Variants in ERC1 observed in about 807,000 individuals in gnomAD.
The protein encoded by ERC1 is ELKS/RAB6-interacting/CAST family member 1.
In ERC1, 56 loss-of-function variants were observed where a neutral mutation model predicts 132.0. The ratio of observed to expected loss-of-function variants is 0.42; its 90% CI spans 0.34 to 0.53. The LOEUF (loss-of-function observed/expected upper bound fraction) is 0.53, where lower values mean the gene tolerates loss of function less well. Among genes scored for constraint, ERC1 ranks in the 20% least tolerant of loss-of-function variants. The probability of loss-of-function intolerance (pLI) is 0.03; values close to 1 mark genes in which losing one functional copy is unlikely to be tolerated. For synonymous variants in ERC1, 478 were observed against 476.1 expected, an observed-to-expected ratio of 1.00 and a Z score of -0.05; for missense variants, 1,202 against 1,349.9, an observed-to-expected ratio of 0.89 and a Z score of 1.72.
intron 8 of ERC1, among the ~76,000 whole-genome samples, chr12:1,176,160 G>T (rs1460425077): frequency 6.6e-6 from 1 of 152,188 alleles, no homozygotes. Flanking sequence ...TTCTTAACTA[G>T]TAAGACTAGA....
At chr12:1,439,608 C>T (rs1306004614) in intron 17 of ERC1, among the ~76,000 whole-genome samples, 4 of 152,074 alleles carry the variant, frequency 2.6e-5, no homozygotes, top group African/African-American at 9.7e-5. Flanking sequence ...AATATCATGA[C>T]GAGTTCATTT....
intron 12 of ERC1, among the ~76,000 whole-genome samples, chr12:1,214,321 GT>G (rs1241921700): frequency 6.6e-6 from 1 of 152,134 alleles, no homozygotes; most frequent in Non-Finnish European, 1.5e-5. Flanking sequence ...TTTATTGAAG[GT>G]TTGCTCTTTT....
intron 15 of ERC1, among the ~76,000 whole-genome samples, chr12:1,307,134 G>C (rs1332054618): frequency 6.6e-6 from 1 of 152,160 alleles, no homozygotes; most frequent in Non-Finnish European, 1.5e-5. Flanking sequence ...TCTTTGGATT[G>C]ATTGTCTTAA....
rs1303187087 is a variant in ERC1 at position 1,018,596 on chromosome 12, T to C, written c.-156-9152T>C. The stretch of plus-strand genomic sequence containing the variant: ...AAAATGTTAAAAATTGCTTTCATTA[T>C]ATTTGTTTTAGATTACATTTAGTTG... On this transcript the variant is annotated intron_variant, in intron 1 of 18. Coordinates refer to ENST00000360905, the MANE Select transcript of ERC1 (RefSeq NM_178040.4). Among the ~76,000 whole-genome samples the C allele has an allele frequency of 3.3e-5, 5 of 152,360 alleles. No individual in the cohort carries two copies. The East Asian group carries it at 9.6e-4, about 29-fold the overall frequency.
intron 2 of ERC1, among the ~76,000 whole-genome samples, chr12:1,072,087 C>G (rs1463588553): frequency 7.0e-6 from 1 of 142,240 alleles, no homozygotes; most frequent in Admixed American, 7.3e-5. Flanking sequence ...GGCAGCAGAG[C>G]AAGACTCTGT....
intron 17 of ERC1, among the ~76,000 whole-genome samples, chr12:1,428,641 T>C (rs760879919): frequency 1.6e-4 from 25 of 152,334 alleles, no homozygotes; most frequent in Non-Finnish European, 3.4e-4. Flanking sequence ...GTGGAGGATA[T>C]GGTTCAACTC....
chr12:1,368,283 G>T (rs2086854546), intron 15 of ERC1, among the ~76,000 whole-genome samples: 1 of 152,012 alleles, frequency 6.6e-6, no homozygotes, highest in South Asian at 2.1e-4. Context: ...CAGATTAAAA[G>T]AAGTTATAAA....
At chr12:1,030,326 G>A (rs1967776509) in intron 2 of ERC1, among the ~76,000 whole-genome samples, 2 of 152,180 alleles carry the variant, frequency 1.3e-5, no homozygotes, top group South Asian at 2.1e-4. Context: ...AAGTAAAGAA[G>A]CAATCAGAAA....
intron 1 of ERC1, among the ~76,000 whole-genome samples, chr12:1,022,761 G>C (rs1310176645): frequency 6.6e-6 from 1 of 152,116 alleles, no homozygotes; most frequent in East Asian, 1.9e-4. Flanking sequence ...TGCCTCCTGG[G>C]TTCAAGTGAG....
At chr12:1,083,098 G>C (rs553196688) in intron 2 of ERC1, 66 bp from the exon 3 acceptor site, 23 of 1,370,558 alleles carry the variant, frequency 1.7e-5, no homozygotes, top group Non-Finnish European at 2.3e-5. Context: ...ATTCCTGCAG[G>C]CTGCTCTGAT....
At chr12:1,142,988 T>C (rs972066110) in intron 8 of ERC1, among the ~76,000 whole-genome samples, 3 of 152,198 alleles carry the variant, frequency 2.0e-5, no homozygotes, top group African/African-American at 7.2e-5. Flanking sequence ...AACCTCTGCC[T>C]CCTGGGTTCG....
chr12:1,240,887 T>C (rs1261241491), intron 13 of ERC1, among the ~76,000 whole-genome samples: 1 of 152,160 alleles, frequency 6.6e-6, no homozygotes, highest in Non-Finnish European at 1.5e-5. Flanking sequence ...CATTTAAACA[T>C]TTCCATGAGT....
chr12:1,472,543 G>A (rs1190683075), intron 18 of ERC1, among the ~76,000 whole-genome samples: 1 of 152,036 alleles, frequency 6.6e-6, no homozygotes, highest in Non-Finnish European at 1.5e-5. Flanking sequence ...CCAGCCACTC[G>A]GGAAGCTGAG....
chr12:1,014,582 C>T (rs1271938204), intron 1 of ERC1, among the ~76,000 whole-genome samples: 1 of 152,056 alleles, frequency 6.6e-6, no homozygotes, highest in Non-Finnish European at 1.5e-5. Flanking sequence ...CAGAAATAGG[C>T]TTTTACCGTA....
At chr12:1,117,972 G>A (rs947194063) in intron 7 of ERC1, among the ~76,000 whole-genome samples, 2 of 152,058 alleles carry the variant, frequency 1.3e-5, no homozygotes, top group African/African-American at 4.8e-5. Flanking sequence ...TATTTATGGG[G>A]TATGTGAGAT....
At chr12:1,252,872 T>G (rs1205759750) in intron 13 of ERC1, among the ~76,000 whole-genome samples, 1 of 152,222 alleles carries the variant, frequency 6.6e-6, no homozygotes, top group African/African-American at 2.4e-5. Context: ...TCTGACATGT[T>G]GAATGATTTT....
rs187867277 is a variant in ERC1, at chr12:991,333, C to T, written c.-157+11C>T. On this transcript the variant is annotated intron_variant, in intron 1 of 18. Coordinates refer to ENST00000360905, the MANE Select transcript of ERC1 (RefSeq NM_178040.4). ...GCAGCCCTGAGGACGGTGAGACGGC[C>T]GCGGCGGCGGCGACAGCGCGGAAGT... is the stretch of plus-strand genomic sequence containing the variant. 3.8e-3 allele frequency: 596 copies of T among 156,234 alleles called. 14 individuals carry two copies. In the East Asian group the frequency reaches 0.062, roughly 16 times the overall value. The allele number at this position is 156,234 out of a possible 1,614,324, so 9.7% of individuals were successfully genotyped here. A position where few individuals can be genotyped will look rare whatever the true frequency, so the allele number is the denominator to read the frequency against.
intron 7 of ERC1, among the ~76,000 whole-genome samples, chr12:1,129,197 G>A (rs920010926): frequency 4.6e-5 from 7 of 152,182 alleles, no homozygotes; most frequent in Admixed American, 3.3e-4. Context: ...CTGCCAGGTA[G>A]ACTGGGCATG....
chr12:1,218,185 A>G (rs993754546), intron 12 of ERC1, among the ~76,000 whole-genome samples: 3 of 152,180 alleles, frequency 2.0e-5, no homozygotes, highest in African/African-American at 7.2e-5. Flanking sequence ...CTCCTCATCA[A>G]ATCTACCAGC....
Sources: gnomAD v4.1 joint callset for allele counts (sites outside exome capture counted in the v4.1 genomes callset) on GRCh38, gnomAD v4.1.1 for gene constraint, MANE v1.5 for transcripts, NCBI Gene and HGNC (gene_info 2026-07-23, HGNC 2026-07-21) for gene names.